The following RPS21 variants were observed in gnomAD, a reference collection of about 807,000 sequenced individuals.
The protein encoded by RPS21 is small ribosomal subunit protein eS21.
Under a neutral mutation model 14.5 loss-of-function variants are expected in RPS21, and 6 were observed. The ratio of observed to expected loss-of-function variants is 0.41; its 90% CI spans 0.23 to 0.82. The LOEUF (loss-of-function observed/expected upper bound fraction) is 0.82. Among genes scored for constraint, RPS21 ranks in the 40% least tolerant of loss-of-function variants. The probability of loss-of-function intolerance (pLI) is 0.31; values close to 1 mark genes in which losing one functional copy is unlikely to be tolerated. For missense variants in RPS21, 85 were observed against 115.0 expected (o/e 0.74, Z 1.19); for synonymous variants, 61 against 42.6 (o/e 1.43, Z -1.69).
chr20:62,387,601 T>C lies in RPS21; in HGVS notation c.51-10T>C, dbSNP rs1601467625. 3.1e-6 allele frequency: 5 copies of C among 1,609,856 alleles called. No individual in the cohort carries two copies. ...AAGTCCCCTCTGCTCACTGCGCCCT[T>C]TCTCCACAGCTCCGCTAGCAATCGC... On this transcript the variant is annotated splice_polypyrimidine_tract_variant and intron_variant, in intron 2 of 5. Transcript: ENST00000343986.
rs779630452 is a variant in RPS21 at position 62,387,309 on chromosome 20, G to T, written c.-18-12G>T. ...CCGGCCGTACTCACGGCGCCGCGCG[G>T]TGACTCCCCAGGCGCAGCCCAGCCT... is the stretch of plus-strand genomic sequence containing the variant. On this transcript the variant is annotated splice_polypyrimidine_tract_variant and intron_variant, in intron 1 of 5. Transcript: ENST00000343986. 1 of 1,577,774 alleles carries T rather than the reference G, an allele frequency of 6.3e-7. No individual in the cohort carries two copies. Among genetic ancestry groups the T allele is most frequent in the Non-Finnish European group, 8.6e-7 (1 of 1,163,262 alleles).
At chr20:62,388,009 G>A (rs1346639794) in intron 4 of RPS21, 95 bp downstream of exon 4, 1 of 1,610,348 alleles carries the variant, frequency 6.2e-7, no homozygotes. Flanking sequence ...TAGATCTGCT[G>A]GCAGAGTAGT....
Sources: allele counts gnomAD v4.1 joint callset, GRCh38; gene constraint gnomAD v4.1.1; transcripts MANE v1.5; gene names NCBI Gene and HGNC (gene_info 2026-07-23, HGNC 2026-07-21).